Variants in XXYLT1 observed in about 807,000 individuals in gnomAD.
XXYLT1 encodes the protein UDP-xylose:alpha-xyloside alpha-1,3-xylosyltransferase.
A neutral mutation model predicts 28.9 loss-of-function variants in XXYLT1; 20 were observed. The ratio of observed to expected loss-of-function variants is 0.69; its 90% CI spans 0.49 to 1.00. The LOEUF is 1.00. Ranked by LOEUF, XXYLT1 falls within the 50% of genes least tolerant of loss-of-function variation. The pLI, the probability that XXYLT1 is intolerant of heterozygous loss-of-function variation, is 0.00. For missense variants in XXYLT1, 542 were observed against 560.1 expected (o/e 0.97, Z 0.33); for synonymous variants, 257 against 253.8 (o/e 1.01, Z -0.12).
In XXYLT1 at chr3:195,069,775, C is replaced by A; in HGVS notation, c.1122G>T (p.Arg374Ser). 1 of 1,614,110 alleles carries A rather than the reference C, an allele frequency of 6.2e-7. No individual in the cohort carries two copies. Among genetic ancestry groups the A allele is most frequent in the Non-Finnish European group, 8.5e-7 (1 of 1,180,026 alleles). ...GYSDVFEAYFRCEGHVKIYHG... is the reference protein window; with the variant it reads ...GYSDVFEAYFSCEGHVKIYHG... ...GGTAGATCTTGACGTGGCCCTCACA[C>A]CTGAAATAGGCCTCGAAGACGTCAC... The change falls in exon 4 of 4, where the codon AGG (arginine) becomes AGT (serine). Residue 374 changes from arginine to serine, a missense_variant. Transcript: ENST00000310380.
intron 3 of XXYLT1, among the ~76,000 whole-genome samples, chr3:195,139,966 C>T (rs1376124180): frequency 5.3e-5 from 8 of 152,188 alleles, no homozygotes; most frequent in East Asian, 1.9e-4. Context: ...CCGAGCCCTA[C>T]GTGCTGGTCT....
chr3:195,235,046 T>A (rs550880517), intron 1 of XXYLT1, among the ~76,000 whole-genome samples: 39 of 151,924 alleles, frequency 2.6e-4, no homozygotes, highest in African/African-American at 8.4e-4. Context: ...GCTTCATTCT[T>A]TTTTACTCTT....
chr3:195,250,868 C>T (rs1577198179), intron 1 of XXYLT1, among the ~76,000 whole-genome samples: 1 of 152,234 alleles, frequency 6.6e-6, no homozygotes, highest in East Asian at 1.9e-4. Flanking sequence ...CAGGACAGCA[C>T]CTGGCACATA....
At chr3:195,136,222 T>G (rs1290480760) in intron 3 of XXYLT1, among the ~76,000 whole-genome samples, 2 of 152,084 alleles carry the variant, frequency 1.3e-5, no homozygotes, top group Non-Finnish European at 2.9e-5. Context: ...AGATGAGAGA[T>G]CCACTCGGAC....
chr3:195,142,637 G>A (rs1719551190), intron 3 of XXYLT1, among the ~76,000 whole-genome samples: 1 of 152,250 alleles, frequency 6.6e-6, no homozygotes, highest in African/African-American at 2.4e-5. Context: ...ATTTTCAGAT[G>A]GGCCATCAAA....
rs1029883583 is a variant in XXYLT1, at chr3:195,068,368, G to A, written c.*1347C>T. On this transcript the variant is annotated 3_prime_UTR_variant, in exon 4 of 4. Transcript: ENST00000310380. ...ATCAAAACAAAACAAGATGAAAATT[G>A]ATACAAATGGACCCCTGGGGCTTTC... 1 of 151,692 alleles carries A rather than the reference G, an allele frequency of 6.6e-6. No individual in the cohort carries two copies. The highest frequency in any genetic ancestry group is 1.5e-5 in the Non-Finnish European group (1 of 67,952). The allele number at this position is 151,692 out of a possible 1,614,324, so 9.4% of individuals were successfully genotyped here.
At chr3:195,269,353 C>A (rs1212442260) in intron 1 of XXYLT1, among the ~76,000 whole-genome samples, 1 of 152,188 alleles carries the variant, frequency 6.6e-6, no homozygotes, top group Non-Finnish European at 1.5e-5. Context: ...CCAGCGAGGA[C>A]CTTCAGAGGT....
chr3:195,256,410 C>T lies in XXYLT1; in HGVS notation c.504+14145G>A, dbSNP rs1055207626. ...CCAAGTCCCTCGCCCTCATGCTCCG[C>T]GCAGGCCTGAGGTGCGGCCCTGCAC... On this transcript the variant is annotated intron_variant, in intron 1 of 3. Transcript: ENST00000310380. The surrounding 1 kb of genome is among the most constrained non-coding windows in gnomAD (Gnocchi z 4.2). 1.9e-5 allele frequency: 16 copies of T among 857,174 alleles called. No individual in the cohort carries two copies. In the South Asian group the frequency reaches 7.0e-4, roughly 37 times the overall value. The allele number at this position is 857,174 out of a possible 1,614,324, so 53.1% of individuals were successfully genotyped here. A position where few individuals can be genotyped will look rare whatever the true frequency, so the allele number is the denominator to read the frequency against.
In XXYLT1 at chr3:195,149,185, A is replaced by G. The variant is rs569435071; in HGVS notation, c.785+7264T>C. ...TTAAGTGAACAAAAAAAGATGTACA[A>G]AGGTATAGAGAGTTTATTTACATAT... On this transcript the variant is annotated intron_variant, in intron 3 of 3. Coordinates refer to ENST00000310380, the MANE Select transcript of XXYLT1 (RefSeq NM_152531.5). 2.4e-4 allele frequency among the ~76,000 whole-genome samples: 37 copies of G among 152,334 alleles called. No homozygotes were observed. In the South Asian group the frequency reaches 7.3e-3, roughly 30 times the overall value.
intron 3 of XXYLT1, among the ~76,000 whole-genome samples, chr3:195,123,630 G>A (rs1212640441): frequency 1.3e-5 from 2 of 152,144 alleles, no homozygotes; most frequent in Admixed American, 6.5e-5. Flanking sequence ...AGATGCTTTC[G>A]CCAGCTGATG....
At position 195,150,482 on chromosome 3, in the gene XXYLT1, C is replaced by T. The variant is rs1244852616; in HGVS notation, c.785+5967G>A. 6.6e-6 allele frequency among the ~76,000 whole-genome samples: 1 copy of T among 152,190 alleles called. No individual in the cohort carries two copies. The highest frequency in any genetic ancestry group is 1.5e-5 in the Non-Finnish European group (1 of 68,036). On this transcript the variant is annotated intron_variant, in intron 3 of 3. Transcript: ENST00000310380. This position sits in a 1 kb window ranked among gnomAD's most constrained non-coding sequence, Gnocchi z 4.7. The stretch of plus-strand genomic sequence containing the variant: ...GGAAGAACCCGAGGCTGGCACAGCA[C>T]CATCAGCAAATAAAACCATGTGACT...
intron 1 of XXYLT1, chr3:195,259,717 CCCGGAGCCGGCCTCTGGCGGCCT>C: frequency 2.0e-6 from 2 of 978,920 alleles, no homozygotes; most frequent in Non-Finnish European, 1.2e-6. Flanking sequence ...CAGGGCGGCC[CCCGGAGCCGGCCTCTGGCGGCCT>C]CGGGTCTTTT....
At chr3:195,101,690 G>A (rs1577026355) in intron 3 of XXYLT1, among the ~76,000 whole-genome samples, 1 of 151,660 alleles carries the variant, frequency 6.6e-6, no homozygotes, top group East Asian at 1.9e-4. Context: ...GCCGGGTGCT[G>A]TGGTGTGTTC....
intron 3 of XXYLT1, chr3:195,146,687 G>T (rs1408571435): frequency 1.3e-5 from 2 of 152,286 alleles, no homozygotes; most frequent in Non-Finnish European, 2.9e-5. Flanking sequence ...TTAGCATTTT[G>T]AAGGCAGAAC....
chr3:195,121,944 C>A, intron 3 of XXYLT1: 1 of 674,390 alleles, frequency 1.5e-6, no homozygotes, highest in South Asian at 1.6e-5. Flanking sequence ...TGTCATCCTC[C>A]ATTCCTCTTG....
chr3:195,247,464 G>C (rs532063907), intron 1 of XXYLT1, among the ~76,000 whole-genome samples: 39 of 152,366 alleles, frequency 2.6e-4, no homozygotes, highest in African/African-American at 8.4e-4. Context: ...AAGGTGGCCT[G>C]GGCCGGGAGG....
chr3:195,163,343 T>C (rs1188918860), intron 2 of XXYLT1, among the ~76,000 whole-genome samples: 3 of 152,208 alleles, frequency 2.0e-5, no homozygotes, highest in Non-Finnish European at 2.9e-5. Context: ...CCATGCCACC[T>C]TATGGATTCA....
chr3:195,231,013 A>G (rs954043068), intron 1 of XXYLT1, among the ~76,000 whole-genome samples: 16 of 152,228 alleles, frequency 1.1e-4, no homozygotes, highest in African/African-American at 3.8e-4. Context: ...ATCCATGAAT[A>G]TGGCTTATCT....
intron 3 of XXYLT1, among the ~76,000 whole-genome samples, chr3:195,110,522 G>A (rs1457379033): frequency 4.5e-5 from 2 of 44,366 alleles, no homozygotes; most frequent in East Asian, 3.6e-4. Context: ...GTATGTGTGC[G>A]TGGTGTACGT....
Sources: allele counts gnomAD v4.1 joint callset (sites outside exome capture counted in the v4.1 genomes callset), GRCh38; gene constraint gnomAD v4.1.1; non-coding constraint Gnocchi (gnomAD v3.1); transcripts MANE v1.5; gene names NCBI Gene and HGNC (gene_info 2026-07-23, HGNC 2026-07-21).